GALNTL6: variants seen among roughly 807,000 people sequenced by gnomAD.
The protein encoded by GALNTL6 is polypeptide N-acetylgalactosaminyltransferase like 6.
GALNTL6 carries 46 observed loss-of-function variants against 73.7 expected under a neutral mutation model. That is an observed-to-expected ratio of 0.62 (90% CI 0.49 to 0.80). GALNTL6 has a LOEUF of 0.80. Ranked by LOEUF, GALNTL6 falls within the 30% of genes least tolerant of loss-of-function variation. The pLI is 0.00. For synonymous variants in GALNTL6, 259 were observed against 263.7 expected (o/e 0.98, Z 0.17); for missense variants, 604 against 755.0 (o/e 0.80, Z 2.34).
intron 4 of GALNTL6, among the ~76,000 whole-genome samples, chr4:172,337,664 T>G (rs546487481): frequency 6.6e-6 from 1 of 151,676 alleles, no homozygotes; most frequent in South Asian, 2.1e-4. Context: ...CTGTTGAGGA[T>G]CTGACCTTTT....
chr4:171,883,456 C>T (rs115866032), intron 2 of GALNTL6, among the ~76,000 whole-genome samples: 2 of 152,236 alleles, frequency 1.3e-5, no homozygotes, highest in African/African-American at 4.8e-5. Context: ...CCCCATGCAT[C>T]AGCCTGCTTC....
At chr4:172,126,513 A>G (rs1733298267) in intron 2 of GALNTL6, among the ~76,000 whole-genome samples, 1 of 152,202 alleles carries the variant, frequency 6.6e-6, no homozygotes, top group Non-Finnish European at 1.5e-5. Context: ...CACGAGGAAC[A>G]CAGTGCAGCT....
At chr4:172,939,097 C>T (rs1478999536) in intron 9 of GALNTL6, among the ~76,000 whole-genome samples, 4 of 152,068 alleles carry the variant, frequency 2.6e-5, no homozygotes. Flanking sequence ...TGAGAACAGG[C>T]TGGGCAACAT....
rs1033812845 is a variant in GALNTL6, at chr4:172,810,404, C to A, written c.739+858C>A. Among the ~76,000 whole-genome samples the A allele has an allele frequency of 1.3e-4, 20 of 152,286 alleles. 1 individual carries two copies. The highest frequency in any genetic ancestry group is 4.8e-4 in the African/African-American group (20 of 41,574). ...AAAAAAACCCTCCTTTTAAAAAGTT[C>A]TTGGTGCACACAGTGTGTTCTCCTT... On this transcript the variant is annotated intron_variant, in intron 6 of 12. Transcript: ENST00000506823.
Position 172,497,799 on chromosome 4 carries a change from C to T in GALNTL6, c.553+149110C>T, listed in dbSNP as rs1014070886. 2.6e-5 allele frequency among the ~76,000 whole-genome samples: 4 copies of T among 152,138 alleles called. No individual in the cohort carries two copies. The South Asian group carries it at 8.3e-4, about 32-fold the overall frequency. ...AAATACGAAAGGAAAGGGTGATTAC[C>T]ATGTTCTAAGTTGTCACTTTCCTGT... On this transcript the variant is annotated intron_variant, in intron 5 of 12. Coordinates refer to ENST00000506823, the MANE Select transcript of GALNTL6 (RefSeq NM_001034845.3).
At chr4:172,141,831 A>C (rs1469108504) in intron 2 of GALNTL6, among the ~76,000 whole-genome samples, 1 of 151,836 alleles carries the variant, frequency 6.6e-6, no homozygotes, top group Non-Finnish European at 1.5e-5. Context: ...CTTCTATCTG[A>C]TAGCTGATAA....
intron 2 of GALNTL6, among the ~76,000 whole-genome samples, chr4:172,077,478 C>T (rs1022619972): frequency 1.3e-5 from 2 of 151,946 alleles, no homozygotes; most frequent in African/African-American, 4.8e-5. Flanking sequence ...GCAGCTTTTG[C>T]CCCTTCCCTA....
intron 5 of GALNTL6, among the ~76,000 whole-genome samples, chr4:172,605,591 C>A (rs560825442): frequency 1.3e-5 from 2 of 152,098 alleles, no homozygotes; most frequent in South Asian, 2.1e-4. Context: ...GAAAGAGAAT[C>A]CAGGACATTC....
chr4:172,528,365 T>TATATATATAG (rs3083422), intron 5 of GALNTL6, among the ~76,000 whole-genome samples: 1 of 129,280 alleles, frequency 7.7e-6, no homozygotes, highest in African/African-American at 3.0e-5. Context: ...TATATATATA[T>TATATATATAG]GGTTATTTTT....
rs1731485395 is a variant in GALNTL6, at chr4:172,069,585, A to ATAACACATATATGT, written c.139-160069_139-160068insACACATATATGTTA. 3.8e-4 allele frequency among the ~76,000 whole-genome samples: 9 copies of ATAACACATATATGT among 23,438 alleles called. 2 individuals are homozygous for ATAACACATATATGT. In the South Asian group the frequency reaches 6.3e-3, roughly 16 times the overall value. 15.4% of individuals were successfully genotyped at this position (23,438 alleles called of 152,430 possible). A position where few individuals can be genotyped will look rare whatever the true frequency, so the allele number is the denominator to read the frequency against. On this transcript the variant is annotated intron_variant, in intron 2 of 12. Transcript: ENST00000506823. The stretch of plus-strand genomic sequence containing the variant: ...ATATAACACATATATGTTATATATT[A>ATAACACATATATGT]TATATATAACACATATATGTTATAT...
intron 5 of GALNTL6, among the ~76,000 whole-genome samples, chr4:172,522,847 T>G (rs2110822665): frequency 1.3e-5 from 2 of 152,282 alleles, no homozygotes; most frequent in Admixed American, 1.3e-4. Context: ...AGCATAGAAA[T>G]TTTGTTCTGT....
At chr4:172,797,070 T>A in intron 5 of GALNTL6, among the ~76,000 whole-genome samples, 1 of 152,112 alleles carries the variant, frequency 6.6e-6, no homozygotes, top group East Asian at 1.9e-4. Flanking sequence ...CTCCCATTAT[T>A]TGGATAAATT....
intron 5 of GALNTL6, among the ~76,000 whole-genome samples, chr4:172,603,565 A>G (rs1738145733): frequency 6.6e-6 from 1 of 152,228 alleles, no homozygotes. Flanking sequence ...ACTAAATGGG[A>G]AATTTCACTT....
At chr4:172,201,642 T>C (rs1735960122) in intron 2 of GALNTL6, among the ~76,000 whole-genome samples, 1 of 152,172 alleles carries the variant, frequency 6.6e-6, no homozygotes, top group African/African-American at 2.4e-5. Context: ...TAAAATATTT[T>C]TGTAGTACTT....
At chr4:172,406,882 C>T (rs1430220271) in intron 5 of GALNTL6, among the ~76,000 whole-genome samples, 1 of 151,900 alleles carries the variant, frequency 6.6e-6, no homozygotes, top group East Asian at 1.9e-4. Flanking sequence ...AAGATGAGAA[C>T]CAAATATTAA....
intron 5 of GALNTL6, among the ~76,000 whole-genome samples, chr4:172,598,534 A>T (rs1228425055): frequency 6.6e-6 from 1 of 152,166 alleles, no homozygotes; most frequent in East Asian, 1.9e-4. Context: ...CAGTTGTAAG[A>T]CTAATAGAAA....
chr4:171,839,184 C>T (rs1173078512), intron 2 of GALNTL6, among the ~76,000 whole-genome samples: 1 of 151,976 alleles, frequency 6.6e-6, no homozygotes, highest in African/African-American at 2.4e-5. Flanking sequence ...ATTATTATCA[C>T]AGGAAGTAAG....
intron 4 of GALNTL6, among the ~76,000 whole-genome samples, chr4:172,335,520 G>C (rs1044533127): frequency 6.6e-6 from 1 of 152,150 alleles, no homozygotes; most frequent in African/African-American, 2.4e-5. Flanking sequence ...AGTAGAATTG[G>C]TACCAGCTCT....
chr4:172,924,187 C>G (rs935594367), intron 8 of GALNTL6, among the ~76,000 whole-genome samples: 4 of 152,196 alleles, frequency 2.6e-5, no homozygotes, highest in Non-Finnish European at 5.9e-5. Flanking sequence ...CTTTCAGCAG[C>G]CCGCTCTGCC....
Sources: gnomAD v4.1 joint callset for allele counts (sites outside exome capture counted in the v4.1 genomes callset) on GRCh38, gnomAD v4.1.1 for gene constraint, MANE v1.5 for transcripts, NCBI Gene and HGNC (gene_info 2026-07-23, HGNC 2026-07-21) for gene names.